ERC1: variants seen among roughly 807,000 people sequenced by gnomAD.
The protein encoded by ERC1 is ELKS/RAB6-interacting/CAST family member 1.
A neutral mutation model predicts 132.0 loss-of-function variants in ERC1; 56 were observed. That is an observed-to-expected ratio of 0.42 (90% confidence interval 0.34 to 0.53). The LOEUF is 0.53. ERC1 is among the 20% of genes least tolerant of loss of function. ERC1 has a pLI of 0.03. For missense variants in ERC1, 1,202 were observed against 1,349.9 expected, an observed-to-expected ratio of 0.89 and a Z score of 1.72; for synonymous variants, 478 against 476.1, an observed-to-expected ratio of 1.00 and a Z score of -0.05.
At chr12:1,419,293 C>G (rs1335515080) in intron 17 of ERC1, among the ~76,000 whole-genome samples, 4 of 151,914 alleles carry the variant, frequency 2.6e-5, no homozygotes, top group Non-Finnish European at 5.9e-5. Context: ...AAGTGTTGAC[C>G]TTAATCTTTC....
intron 18 of ERC1, among the ~76,000 whole-genome samples, chr12:1,460,730 G>A (rs2154421430): frequency 6.6e-6 from 1 of 151,548 alleles, no homozygotes; most frequent in South Asian, 2.1e-4. Context: ...TGGTGGTGGT[G>A]TTTTTCTAAC....
At chr12:998,071 T>G (rs1351531321) in intron 1 of ERC1, among the ~76,000 whole-genome samples, 1 of 152,244 alleles carries the variant, frequency 6.6e-6, no homozygotes, top group Non-Finnish European at 1.5e-5. Flanking sequence ...GCTCTCTGCT[T>G]TACACACTTA....
chr12:1,362,362 T>A (rs2086210052), intron 15 of ERC1, among the ~76,000 whole-genome samples: 1 of 152,128 alleles, frequency 6.6e-6, no homozygotes, highest in African/African-American at 2.4e-5. Context: ...GTCCATCCGA[T>A]CTTGGCACTC....
intron 12 of ERC1, among the ~76,000 whole-genome samples, chr12:1,235,613 G>A (rs2075360788): frequency 6.6e-6 from 1 of 152,140 alleles, no homozygotes; most frequent in Non-Finnish European, 1.5e-5. Flanking sequence ...TTAGAAACAT[G>A]CATTGTAAAA....
intron 7 of ERC1, among the ~76,000 whole-genome samples, chr12:1,129,633 G>T (rs952764771): frequency 1.2e-4 from 18 of 152,170 alleles, no homozygotes; most frequent in African/African-American, 3.9e-4. Context: ...TGAGAATATG[G>T]TAGCGTAAAA....
intron 1 of ERC1, among the ~76,000 whole-genome samples, chr12:1,026,571 C>T (rs768574312): frequency 1.2e-4 from 19 of 152,130 alleles, no homozygotes; most frequent in African/African-American, 4.6e-4. Context: ...TCCAGTAATA[C>T]TTAGTGGACA....
At chr12:1,144,613 G>GGT (rs902535886) in intron 8 of ERC1, among the ~76,000 whole-genome samples, 32 of 126,286 alleles carry the variant, frequency 2.5e-4, no homozygotes, top group African/African-American at 1.1e-3. Flanking sequence ...AGAATTTTGT[G>GGT]GTATATATAT....
chr12:1,459,728 A>G (rs1358332795), intron 18 of ERC1, among the ~76,000 whole-genome samples: 1 of 152,240 alleles, frequency 6.6e-6, no homozygotes, highest in East Asian at 1.9e-4. Context: ...TAATTAGCAC[A>G]AAGTATTTAT....
At chr12:1,487,681 T>A (rs1202362978) in intron 18 of ERC1, among the ~76,000 whole-genome samples, 2 of 149,800 alleles carry the variant, frequency 1.3e-5, no homozygotes, top group Non-Finnish European at 3.0e-5. Flanking sequence ...ATCAAACCAT[T>A]GCACTCCCCC....
chr12:1,334,689 G>A (rs896468040), intron 15 of ERC1, among the ~76,000 whole-genome samples: 2 of 152,082 alleles, frequency 1.3e-5, no homozygotes, highest in African/African-American at 4.8e-5. Flanking sequence ...TATTCTTTTT[G>A]GGTAGGATTG....
intron 11 of ERC1, among the ~76,000 whole-genome samples, chr12:1,183,902 G>T (rs1032606567): frequency 6.6e-6 from 1 of 151,572 alleles, no homozygotes; most frequent in Non-Finnish European, 1.5e-5. Context: ...TTGGGAGGCC[G>T]AGGCGGGCAG....
intron 12 of ERC1, among the ~76,000 whole-genome samples, chr12:1,207,668 C>T (rs142009454): frequency 2.0e-5 from 3 of 152,264 alleles, no homozygotes; most frequent in African/African-American, 7.2e-5. Flanking sequence ...CTTCCTAACT[C>T]TTCTACTGAA....
intron 15 of ERC1, among the ~76,000 whole-genome samples, chr12:1,314,831 A>G (rs998634478): frequency 6.6e-6 from 1 of 152,134 alleles, no homozygotes; most frequent in African/African-American, 2.4e-5. Flanking sequence ...TTTTGTTTCA[A>G]TCTGTCTGTC....
intron 1 of ERC1, among the ~76,000 whole-genome samples, chr12:994,301 G>T (rs1565734337): frequency 6.6e-6 from 1 of 152,118 alleles, no homozygotes; most frequent in Non-Finnish European, 1.5e-5. Flanking sequence ...TTAGCATACA[G>T]ATTATGTGGA....
At chr12:1,384,093 A>T (rs1190653353) in intron 16 of ERC1, among the ~76,000 whole-genome samples, 1 of 152,216 alleles carries the variant, frequency 6.6e-6, no homozygotes, top group African/African-American at 2.4e-5. Context: ...GAGAGATTTC[A>T]ATAGCCTTCA....
chr12:1,144,722 T>G (rs942276857), intron 8 of ERC1, among the ~76,000 whole-genome samples: 4 of 150,132 alleles, frequency 2.7e-5, no homozygotes, highest in Non-Finnish European at 5.9e-5. Context: ...TGGTTCCATA[T>G]TTTTTGGAAT....
intron 15 of ERC1, among the ~76,000 whole-genome samples, chr12:1,316,258 AAG>A (rs1174414814): frequency 6.6e-5 from 10 of 152,158 alleles, no homozygotes; most frequent in Admixed American, 6.5e-4. Flanking sequence ...AATATATGAG[AAG>A]CTTTTTAAAC....
chr12:1,024,842 GAAAAAAA>G (rs201143939), intron 1 of ERC1, among the ~76,000 whole-genome samples: 6 of 72,512 alleles, frequency 8.3e-5, no homozygotes, highest in African/African-American at 2.8e-4. Context: ...AAAAAAAGTG[GAAAAAAA>G]AAAAAAAAGA....
intron 1 of ERC1, among the ~76,000 whole-genome samples, chr12:1,022,956 C>T (rs1287147912): frequency 1.3e-5 from 2 of 152,112 alleles, no homozygotes; most frequent in Non-Finnish European, 2.9e-5. Context: ...TCCCCCTTTG[C>T]TTGGCACTTC....
Sources: gnomAD v4.1 joint callset for allele counts (sites outside exome capture counted in the v4.1 genomes callset) on GRCh38, gnomAD v4.1.1 for gene constraint, MANE v1.5 for transcripts, NCBI Gene and HGNC (gene_info 2026-07-23, HGNC 2026-07-21) for gene names.